Variants in SYNE3 observed in about 807,000 individuals in gnomAD.
SYNE3 encodes the protein spectrin repeat containing nuclear envelope family member 3.
Under a neutral mutation model 111.2 loss-of-function variants are expected in SYNE3, and 100 were observed. The ratio of observed to expected loss-of-function variants is 0.90; its 90% CI spans 0.77 to 1.06. The LOEUF (loss-of-function observed/expected upper bound fraction) is 1.06, where lower values mean the gene tolerates loss of function less well. Among genes scored for constraint, SYNE3 ranks in the 50% least tolerant of loss-of-function variants. The pLI, the probability that SYNE3 is intolerant of heterozygous loss-of-function variation, is 0.00. For synonymous variants in SYNE3, 547 were observed against 533.9 expected (o/e 1.02, Z -0.34); for missense variants, 1,160 against 1,240.3 (o/e 0.94, Z 0.97).
At chr14:95,423,913 AGGATTTGATGGGGATGG>A (rs1405315473) in intron 17 of SYNE3, among the ~76,000 whole-genome samples, 275 of 6,720 alleles carry the variant, frequency 0.041, 4 homozygotes, top group African/African-American at 0.1. Context: ...GATGGGGATG[AGGATTTGATGGGGATGG>A]GGATTTGATG....
Position 95,467,971 on chromosome 14 carries a change from T to C in SYNE3, c.145-4A>G. Reference sequence around the variant, plus strand: ...CGGGCTCCAGCTGGCATATTTTCTGTTGTGGACACACAAGCCAGTTTCCAG... The same window carrying C: ...CGGGCTCCAGCTGGCATATTTTCTGCTGTGGACACACAAGCCAGTTTCCAG... On this transcript the variant is annotated splice_region_variant and splice_polypyrimidine_tract_variant and intron_variant, in intron 2 of 17. Transcript: ENST00000682763. 6.2e-7 allele frequency: 1 copy of C among 1,606,112 alleles called. No homozygotes were observed. The highest frequency in any genetic ancestry group is 8.5e-7 in the Non-Finnish European group (1 of 1,174,584).
At chr14:95,481,063 G>A (rs943069820) in intron 1 of SYNE3, among the ~76,000 whole-genome samples, 4 of 152,224 alleles carry the variant, frequency 2.6e-5, no homozygotes, top group Non-Finnish European at 4.4e-5. Context: ...GGGCAGGTGT[G>A]GGAGCACCTG....
chr14:95,447,034 T>A (rs1362482808), intron 8 of SYNE3, among the ~76,000 whole-genome samples: 1 of 152,032 alleles, frequency 6.6e-6, no homozygotes, highest in Admixed American at 6.6e-5. Flanking sequence ...GAGAACCCAC[T>A]CTCAGACTTA....
intron 15 of SYNE3, among the ~76,000 whole-genome samples, chr14:95,435,147 C>T (rs1488076341): frequency 6.7e-6 from 1 of 150,166 alleles, no homozygotes. Context: ...TTACTATGTT[C>T]AAATAATTAA....
rs1889516038 is a variant in SYNE3 at position 95,485,788 on chromosome 14, C to G, written c.-14-9953G>C. ...GACATCCATCTCAGCCTGGATCCCACTGGACTATAAATATCTGTCCCCTCA... is the reference window on the plus strand; with the variant it reads ...GACATCCATCTCAGCCTGGATCCCAGTGGACTATAAATATCTGTCCCCTCA... On this transcript the variant is annotated intron_variant, in intron 1 of 17. Transcript: ENST00000682763. The surrounding 1 kb of genome is among the most constrained non-coding windows in gnomAD (Gnocchi z 4.3). Among the ~76,000 whole-genome samples the G allele has an allele frequency of 6.6e-6, 1 of 152,168 alleles. No homozygotes were observed. The highest frequency in any genetic ancestry group is 2.4e-5 in the African/African-American group (1 of 41,436).
Position 95,417,876 on chromosome 14 carries a change from C to A in SYNE3, c.2878G>T (p.Ala960Ser). 1 of 1,614,124 alleles carries A rather than the reference C, an allele frequency of 6.2e-7. No homozygotes were observed. Among genetic ancestry groups the A allele is most frequent in the Non-Finnish European group, 8.5e-7 (1 of 1,180,028 alleles). Residue 960 changes from alanine to serine, a missense_variant, in exon 18 of 18, where the codon GCC (alanine) becomes TCC (serine). By Grantham distance (99) the Ala-to-Ser change is moderately conservative. Coordinates refer to ENST00000682763, the MANE Select transcript of SYNE3 (RefSeq NM_152592.6). ...DRSCTLANNF[A>S]RSFTLMLRYN... ...CGCAGCATGAGCGTGAAGGAGCGGG[C>A]GAAGTTGTTGGCCAGGGTGCAGCTG...
intron 5 of SYNE3, chr14:95,455,979 T>C (rs1887415882): frequency 1.0e-5 from 5 of 489,000 alleles, no homozygotes; most frequent in Non-Finnish European, 1.8e-5. Context: ...CTCTGTTGGG[T>C]GCTTCTGTCT....
At chr14:95,508,717 G>A (rs549689791) in intron 1 of SYNE3, among the ~76,000 whole-genome samples, 6 of 152,332 alleles carry the variant, frequency 3.9e-5, no homozygotes, top group Admixed American at 3.9e-4. Flanking sequence ...GAGAACATCA[G>A]ATGTGAGTCC....
chr14:95,516,271 C>A (rs1028882465), intron 1 of SYNE3: 2 of 152,276 alleles, frequency 1.3e-5, no homozygotes, highest in African/African-American at 4.8e-5. Flanking sequence ...AGGCACCCGG[C>A]CCGCTGGGGC....
At position 95,413,962 on chromosome 14, in the gene SYNE3, G is replaced by A. The variant is rs768108740; in HGVS notation, c.*3864C>T. 1 of 152,382 alleles carries A rather than the reference G, an allele frequency of 6.6e-6. No individual in the cohort carries two copies. The highest frequency in any genetic ancestry group is 2.1e-4 in the South Asian group (1 of 4,828). The allele number at this position is 152,382 out of a possible 1,614,324, so 9.4% of individuals were successfully genotyped here. ...AGACATTAGAGGGGCTCATCTTCCA[G>A]GTGAGCAATGTGAAGATAATGATAG... is the stretch of plus-strand genomic sequence containing the variant. On this transcript the variant is annotated 3_prime_UTR_variant, in exon 18 of 18. Coordinates refer to ENST00000682763, the MANE Select transcript of SYNE3 (RefSeq NM_152592.6).
chr14:95,450,027 A>G lies in SYNE3; in HGVS notation c.1353T>C (p.Asp451=), dbSNP rs1886970104. 6.4e-7 allele frequency: 1 copy of G among 1,559,908 alleles called. No individual in the cohort carries two copies. The highest frequency in any genetic ancestry group is 8.7e-7 in the Non-Finnish European group (1 of 1,152,006). The change falls in exon 8 of 18, where the codon GAT becomes GAC. Residue 451 remains aspartate, a synonymous_variant. Transcript: ENST00000682763. The stretch of plus-strand genomic sequence containing the variant: ...GGGCCAGGGCCTTCCACAGCTGCAG[A>G]TCCTGCAGAGGCCGCTGGAAATGCT... The part of the protein sequence containing the change: ...LWQHFQRPLQ[D]LQLWKALAQR...
chr14:95,486,428 C>T (rs879583332), intron 1 of SYNE3, among the ~76,000 whole-genome samples: 2 of 152,180 alleles, frequency 1.3e-5, no homozygotes. Context: ...TTACCCTCCC[C>T]GCCAGCGCCT....
Position 95,417,837 on chromosome 14 carries a change from G to A in SYNE3, c.2917C>T (p.Pro973Ser). The change falls in exon 18 of 18, where the codon CCA (proline) becomes TCA (serine). Residue 973 changes from proline (P) to serine (S), a missense_variant. Physicochemically the swap from Pro to Ser is moderately conservative, Grantham distance 74. Transcript: ENST00000682763. ...TGTGCCCCAGTGGGTTAGGTGGGTG[G>A]TGGGCCATTGTAGCGCAGCATGAGC... The part of the protein sequence containing the change: ...FTLMLRYNGP[P>S]PT 1.2e-6 allele frequency: 2 copies of A among 1,614,260 alleles called. No homozygotes were observed. The highest frequency in any genetic ancestry group is 2.2e-5 in the South Asian group (2 of 91,090).
chr14:95,430,531 G>T (rs1885698746), intron 17 of SYNE3, among the ~76,000 whole-genome samples: 2 of 152,224 alleles, frequency 1.3e-5, no homozygotes, highest in Admixed American at 1.3e-4. Context: ...GCCATTAATA[G>T]TTCCATTTTA....
intron 1 of SYNE3, among the ~76,000 whole-genome samples, chr14:95,480,332 C>T (rs1305700891): frequency 1.3e-5 from 2 of 152,186 alleles, no homozygotes; most frequent in Non-Finnish European, 2.9e-5. Flanking sequence ...AGAAAGGAAA[C>T]AGCCTTGGGT....
At chr14:95,447,846 C>T (rs1419739876) in intron 8 of SYNE3, among the ~76,000 whole-genome samples, 1 of 152,152 alleles carries the variant, frequency 6.6e-6, no homozygotes, top group Non-Finnish European at 1.5e-5. Context: ...AAATAGGTTC[C>T]CTGGCTCTGA....
Position 95,450,021 on chromosome 14 carries a change from C to T in SYNE3, c.1359G>A (p.Gln453=), listed in dbSNP as rs1366118657. 1 of 1,558,246 alleles carries T rather than the reference C, an allele frequency of 6.4e-7. No homozygotes were observed. The highest frequency in any genetic ancestry group is 1.4e-5 in the African/African-American group (1 of 73,372). ...QHFQRPLQDL[Q]LWKALAQRLL... is the part of the protein sequence containing the mutation. The stretch of plus-strand genomic sequence containing the variant: ...GCCGCTGGGCCAGGGCCTTCCACAG[C>T]TGCAGATCCTGCAGAGGCCGCTGGA... The change falls in exon 8 of 18, where the codon CAG becomes CAA. Residue 453 remains glutamine, a synonymous_variant. Transcript: ENST00000682763.
intron 14 of SYNE3, chr14:95,437,857 G>A (rs1225842986): frequency 6.6e-6 from 1 of 151,736 alleles, no homozygotes; most frequent in African/African-American, 2.4e-5. Context: ...GACCCATCTT[G>A]TATGATTTTA....
At chr14:95,457,422 G>A in intron 4 of SYNE3, 84 bp from the exon 5 acceptor site, 10 of 1,027,886 alleles carry the variant, frequency 9.7e-6, no homozygotes, top group Non-Finnish European at 3.7e-6. Flanking sequence ...CTGCCTGGGT[G>A]TGTGTGTGTG....
Sources: gnomAD v4.1 joint callset for allele counts (sites outside exome capture counted in the v4.1 genomes callset) on GRCh38, gnomAD v4.1.1 for gene constraint, Gnocchi (gnomAD v3.1) non-coding constraint, MANE v1.5 for transcripts, NCBI Gene and HGNC (gene_info 2026-07-23, HGNC 2026-07-21) for gene names.